Variants in DGAT2L6 observed in about 807,000 individuals in gnomAD.
The protein encoded by DGAT2L6 is diacylglycerol O-acyltransferase 2-like protein 6.
In DGAT2L6, 22 loss-of-function variants were observed where a neutral mutation model predicts 25.5. The observed-to-expected ratio is 0.86, with a 90% CI of 0.62 to 1.23. DGAT2L6 has a LOEUF of 1.23. DGAT2L6 is among the 50% of genes most tolerant of loss of function. The pLI, the probability that DGAT2L6 is intolerant of heterozygous loss-of-function variation, is 0.00. For missense variants in DGAT2L6, 287 were observed against 253.2 expected (o/e 1.13, Z -0.91); for synonymous variants, 100 against 94.7 (o/e 1.06, Z -0.32).
At chrX:70,197,427 G>T (rs929339229) in intron 1 of DGAT2L6, among the ~76,000 whole-genome samples, 1 of 111,977 alleles carries the variant, frequency 8.9e-6, no homozygotes, top group Non-Finnish European at 1.9e-5. Flanking sequence ...CCACAAGGGG[G>T]ATGGTGTTAC....
intron 1 of DGAT2L6, among the ~76,000 whole-genome samples, chrX:70,196,453 C>T (rs1029896677): frequency 3.4e-5 from 3 of 87,857 alleles, no homozygotes; most frequent in Non-Finnish European, 6.5e-5. Context: ...CGCCATGGAA[C>T]GCCAGTCTGG....
At position 70,200,481 on chromosome X, in the gene DGAT2L6, T is replaced by C. The variant is rs759672415; in HGVS notation, c.472+22T>C. 3.0e-4 allele frequency: 360 copies of C among 1,181,515 alleles called. 3 individuals carry two copies. The South Asian group carries it at 6.2e-3, about 20-fold the overall frequency. ...ATGGGTGAGTATAAGAAATAATTAA[T>C]TCTATTTTTTTACCTACTTCAAAGG... On this transcript the variant is annotated intron_variant, in intron 4 of 6. Transcript: ENST00000333026.
At chrX:70,182,785 C>A (rs2085347605) in intron 1 of DGAT2L6, among the ~76,000 whole-genome samples, 1 of 111,768 alleles carries the variant, frequency 8.9e-6, no homozygotes, top group Non-Finnish European at 1.9e-5. Flanking sequence ...TCCCGAGTAG[C>A]TGGGACTACA....
chrX:70,186,716 A>T (rs1173540076), intron 1 of DGAT2L6, among the ~76,000 whole-genome samples: 6 of 112,079 alleles, frequency 5.4e-5, no homozygotes, highest in Non-Finnish European at 1.1e-4. Context: ...GCTACCATGA[A>T]TTTGCTTTTA....
Position 70,205,224 on chromosome X carries a change from C to A in DGAT2L6, c.*118C>A. 1.2e-6 allele frequency: 1 copy of A among 836,511 alleles called. No individual in the cohort carries two copies. Among genetic ancestry groups the A allele is most frequent in the Non-Finnish European group, 1.6e-6 (1 of 633,920 alleles). The allele number at this position is 836,511 out of a possible 1,213,427, so 68.9% of individuals were successfully genotyped here. On this transcript the variant is annotated 3_prime_UTR_variant, in exon 7 of 7. Coordinates refer to ENST00000333026, the MANE Select transcript of DGAT2L6 (RefSeq NM_198512.3). ...CGTAAGGATGAGAGAGGAGACCATCCAAGCCAGAAATTATTTAATAAATCA... is the reference window on the plus strand; with the variant it reads ...CGTAAGGATGAGAGAGGAGACCATCAAAGCCAGAAATTATTTAATAAATCA...
chrX:70,198,606 G>A (rs1009132219), intron 1 of DGAT2L6, among the ~76,000 whole-genome samples: 34 of 111,039 alleles, frequency 3.1e-4, no homozygotes, highest in African/African-American at 1.1e-3. Flanking sequence ...GCAATGGCAC[G>A]ATCTCAGCTC....
intron 1 of DGAT2L6, among the ~76,000 whole-genome samples, chrX:70,185,871 T>C (rs1272780175): frequency 1.0e-5 from 1 of 95,970 alleles, no homozygotes; most frequent in Non-Finnish European, 2.0e-5. Flanking sequence ...TTTTGTTTTG[T>C]TTTTTTGTTT....
intron 1 of DGAT2L6, among the ~76,000 whole-genome samples, chrX:70,182,794 CA>C: frequency 8.9e-6 from 1 of 111,790 alleles, no homozygotes; most frequent in Non-Finnish European, 1.9e-5. Flanking sequence ...GCTGGGACTA[CA>C]GGTGCCCGCC....
At chrX:70,182,643 C>A (rs1418734604) in intron 1 of DGAT2L6, among the ~76,000 whole-genome samples, 1 of 106,167 alleles carries the variant, frequency 9.4e-6, no homozygotes, top group Non-Finnish European at 1.9e-5. Flanking sequence ...CCACACCCAG[C>A]TAATTTTTTG....
At chrX:70,184,133 T>C (rs2085352304) in intron 1 of DGAT2L6, among the ~76,000 whole-genome samples, 1 of 111,924 alleles carries the variant, frequency 8.9e-6, no homozygotes, top group Non-Finnish European at 1.9e-5. Context: ...TGTTATTTTC[T>C]ATGTGACCTT....
intron 1 of DGAT2L6, among the ~76,000 whole-genome samples, chrX:70,190,772 C>G (rs2085373184): frequency 8.9e-6 from 1 of 112,188 alleles, no homozygotes; most frequent in African/African-American, 3.2e-5. Context: ...GCTTGCTAAC[C>G]TTGGTATCAC....
chrX:70,179,167 G>A (rs760690797), intron 1 of DGAT2L6, among the ~76,000 whole-genome samples: 33 of 112,283 alleles, frequency 2.9e-4, no homozygotes, highest in Non-Finnish European at 5.3e-4. Flanking sequence ...TTCTCAAAAT[G>A]CAGACTTATT....
chrX:70,179,199 A>G (rs1183149142), intron 1 of DGAT2L6, among the ~76,000 whole-genome samples: 5 of 112,449 alleles, frequency 4.4e-5, no homozygotes, highest in African/African-American at 1.6e-4. Flanking sequence ...AAATCAAAAC[A>G]TGCTAAGCCC....
intron 1 of DGAT2L6, among the ~76,000 whole-genome samples, chrX:70,196,916 A>G (rs1291482737): frequency 8.9e-6 from 1 of 112,595 alleles, no homozygotes; most frequent in Non-Finnish European, 1.9e-5. Flanking sequence ...ATCACTAGCT[A>G]TTGGAGAAAT....
intron 1 of DGAT2L6, among the ~76,000 whole-genome samples, chrX:70,193,666 G>A (rs766990323): frequency 8.9e-6 from 1 of 111,989 alleles, no homozygotes; most frequent in East Asian, 2.8e-4. Context: ...CATCTCAATA[G>A]GTGCAGAAAA....
At chrX:70,200,927 C>G (rs1480917811) in intron 4 of DGAT2L6, among the ~76,000 whole-genome samples, 1 of 111,754 alleles carries the variant, frequency 8.9e-6, no homozygotes, top group Non-Finnish European at 1.9e-5. Context: ...CTAAAACCCT[C>G]CTGGTCCATG....
intron 1 of DGAT2L6, among the ~76,000 whole-genome samples, chrX:70,189,194 T>G (rs2085368487): frequency 4.5e-5 from 5 of 111,019 alleles, no homozygotes; most frequent in Admixed American, 3.9e-4. Flanking sequence ...TGTCCTTACT[T>G]GTAGATGACA....
At chrX:70,196,943 A>T (rs73634813) in intron 1 of DGAT2L6, among the ~76,000 whole-genome samples, 1,849 of 112,167 alleles carry the variant, frequency 0.016, 30 homozygotes, top group African/African-American at 0.057. Context: ...TAAAATTATG[A>T]TGAGCTACCA....
intron 1 of DGAT2L6, among the ~76,000 whole-genome samples, chrX:70,196,645 TAA>T (rs1000997861): frequency 9.1e-6 from 1 of 109,752 alleles, no homozygotes; most frequent in African/African-American, 3.3e-5. Flanking sequence ...AAAAAATTAA[TAA>T]GTTGGGCTTC....
Sources: gnomAD v4.1 joint callset for allele counts (sites outside exome capture counted in the v4.1 genomes callset) on GRCh38, gnomAD v4.1.1 for gene constraint, MANE v1.5 for transcripts, NCBI Gene and HGNC (gene_info 2026-07-23, HGNC 2026-07-21) for gene names.